The following CNOT10 variants were observed in gnomAD, a reference collection of about 807,000 sequenced individuals.
The protein encoded by CNOT10 is CCR4-NOT transcription complex subunit 10.
In CNOT10, 30 loss-of-function variants were observed where a neutral mutation model predicts 94.6. That is an observed-to-expected ratio of 0.32 (90% CI 0.24 to 0.43). CNOT10 has a LOEUF of 0.43. Ranked by LOEUF, CNOT10 falls within the 20% of genes least tolerant of loss-of-function variation. The pLI, the probability that CNOT10 is intolerant of heterozygous loss-of-function variation, is 1.00. For missense variants in CNOT10, 759 were observed against 877.2 expected (o/e 0.87, Z 1.70); for synonymous variants, 289 against 301.6 (o/e 0.96, Z 0.43).
intron 8 of CNOT10, among the ~76,000 whole-genome samples, chr3:32,721,156 C>T (rs964835027): frequency 4.0e-5 from 6 of 149,310 alleles, no homozygotes; most frequent in East Asian, 3.9e-4. Context: ...ACCTCCCTCC[C>T]GGGTTCAAGC....
Position 32,771,470 on chromosome 3 carries a change from G to A in CNOT10, c.2080+1508G>A, listed in dbSNP as rs573124609. Among the ~76,000 whole-genome samples, 57 of 152,120 alleles carry A rather than the reference G, an allele frequency of 3.7e-4. 1 individual carries two copies. In the South Asian group the frequency reaches 0.011, roughly 29 times the overall value. On this transcript the variant is annotated intron_variant, in intron 18 of 18. Transcript: ENST00000328834. ...ACAAAAATTAGCCAGGCGTGGTGGC[G>A]CATGCCTGTAATCCAGGTACTTAGG...
intron 18 of CNOT10, among the ~76,000 whole-genome samples, chr3:32,770,704 T>G (rs550544562): frequency 2.3e-3 from 339 of 150,566 alleles, no homozygotes; most frequent in African/African-American, 7.7e-3. Context: ...CCCATCAAAT[T>G]CTTTTTTTTT....
At chr3:32,727,227 T>A (rs996806929) in intron 9 of CNOT10, among the ~76,000 whole-genome samples, 2 of 151,884 alleles carry the variant, frequency 1.3e-5, no homozygotes, top group Non-Finnish European at 1.5e-5. Context: ...ATCCCAACAT[T>A]TAGGGGAGGC....
At chr3:32,735,125 TGA>T in intron 12 of CNOT10, 149 bp downstream of exon 12, 1 of 679,392 alleles carries the variant, frequency 1.5e-6, no homozygotes, top group Non-Finnish European at 2.4e-6. Context: ...TTTATGTTTC[TGA>T]GTCTTTCTGG....
At position 32,753,303 on chromosome 3, in the gene CNOT10, T is replaced by C. The variant is rs2125616578; in HGVS notation, c.1596-6155T>C. On this transcript the variant is annotated intron_variant, in intron 13 of 18. Coordinates refer to ENST00000328834, the MANE Select transcript of CNOT10 (RefSeq NM_015442.3). ...GCTCAGAATGGCCCAGAATCTGATG[T>C]GTGGACTCATCAGTCAAAAATCAGG... The C allele has an allele frequency of 7.8e-5, 72 of 924,734 alleles. 1 individual carries two copies. In the South Asian group the frequency reaches 9.0e-4, roughly 12 times the overall value. 57.3% of individuals were successfully genotyped at this position (924,734 alleles called of 1,614,324 possible). A position where few individuals can be genotyped will look rare whatever the true frequency, so the allele number is the denominator to read the frequency against.
At chr3:32,733,354 A>G in intron 10 of CNOT10, 69 bp from the exon 11 acceptor site, 25 of 1,029,940 alleles carry the variant, frequency 2.4e-5, no homozygotes, top group Non-Finnish European at 3.5e-5. Context: ...TGTGAGAGAT[A>G]TTCCCTCATT....
intron 1 of CNOT10, among the ~76,000 whole-genome samples, chr3:32,699,957 G>A (rs1697256775): frequency 6.6e-6 from 1 of 151,254 alleles, no homozygotes; most frequent in Non-Finnish European, 1.5e-5. Flanking sequence ...GCTGCTTTAG[G>A]AACAAACATA....
chr3:32,729,760 CTTTTTTTTTTTTTTTT>C (rs10590243), intron 10 of CNOT10, among the ~76,000 whole-genome samples: 1 of 71,762 alleles, frequency 1.4e-5, no homozygotes, highest in African/African-American at 5.5e-5. Flanking sequence ...ATTTATACTT[CTTTTTTTTTTTTTTTT>C]TTTTTTTTTT....
At chr3:32,747,683 C>G (rs1699760126) in intron 13 of CNOT10, among the ~76,000 whole-genome samples, 1 of 152,056 alleles carries the variant, frequency 6.6e-6, no homozygotes, top group Non-Finnish European at 1.5e-5. Flanking sequence ...GGCTCGGTGG[C>G]TCACGCCTGT....
chr3:32,701,829 G>A (rs1253556987), intron 1 of CNOT10, among the ~76,000 whole-genome samples: 1 of 152,140 alleles, frequency 6.6e-6, no homozygotes, highest in Non-Finnish European at 1.5e-5. Flanking sequence ...GTCTCACTCT[G>A]TTGCTCAGGC....
intron 13 of CNOT10, among the ~76,000 whole-genome samples, chr3:32,740,402 G>T (rs1415054554): frequency 6.6e-6 from 1 of 152,064 alleles, no homozygotes; most frequent in African/African-American, 2.4e-5. Context: ...GAGGGAGGTT[G>T]CAGTGAGCCA....
At chr3:32,707,703 T>C (rs571161157) in intron 3 of CNOT10, among the ~76,000 whole-genome samples, 124 of 152,022 alleles carry the variant, frequency 8.2e-4, no homozygotes, top group African/African-American at 2.8e-3. Context: ...CTCAGGAGGC[T>C]AAGGCAGGAG....
intron 13 of CNOT10, among the ~76,000 whole-genome samples, chr3:32,752,030 T>G (rs1376245904): frequency 6.6e-6 from 1 of 152,220 alleles, no homozygotes; most frequent in African/African-American, 2.4e-5. Context: ...AATGGCTCAC[T>G]GTAATCCCAG....
At chr3:32,754,037 T>C in intron 13 of CNOT10, 1 of 468,482 alleles carries the variant, frequency 2.1e-6, no homozygotes, top group Non-Finnish European at 3.7e-6. Flanking sequence ...GAGGCGGAGG[T>C]TGCAGTGAGC....
rs33937831 is a variant in CNOT10 at position 32,725,927 on chromosome 3, A to AGTTTTGTTTTGTTTT, written c.1012+350_1012+364dup. On this transcript the variant is annotated intron_variant, in intron 9 of 18. Coordinates refer to ENST00000328834, the MANE Select transcript of CNOT10 (RefSeq NM_015442.3). ...GACTGTGCCAAACTAGGTTTATTAT[A>AGTTTTGTTTTGTTTT]GTTTTGTTTTGTTTTGTTTTGTTTT... Among the ~76,000 whole-genome samples the AGTTTTGTTTTGTTTT allele has an allele frequency of 7.8e-3, 1,167 of 149,808 alleles. 8 individuals are homozygous for AGTTTTGTTTTGTTTT. The highest frequency in any genetic ancestry group is 0.018 in the East Asian group (93 of 5,062).
At chr3:32,716,665 T>G (rs1698136559) in intron 6 of CNOT10, among the ~76,000 whole-genome samples, 2 of 152,200 alleles carry the variant, frequency 1.3e-5, no homozygotes, top group South Asian at 4.1e-4. Flanking sequence ...GTTTGTTTTT[T>G]GAGACGGAGC....
intron 1 of CNOT10, among the ~76,000 whole-genome samples, chr3:32,700,137 G>A (rs1006260771): frequency 7.2e-5 from 11 of 151,792 alleles, no homozygotes; most frequent in East Asian, 3.9e-4. Context: ...CACCATGCCC[G>A]GCTAATTTTT....
intron 13 of CNOT10, among the ~76,000 whole-genome samples, chr3:32,751,101 GA>G (rs112401358): frequency 0.039 from 5,949 of 151,212 alleles, 184 homozygotes; most frequent in African/African-American, 0.079. Context: ...AAATTTCAAT[GA>G]AAAAAAAATT....
At chr3:32,740,955 C>G (rs532538450) in intron 13 of CNOT10, among the ~76,000 whole-genome samples, 23 of 152,058 alleles carry the variant, frequency 1.5e-4, no homozygotes, top group African/African-American at 5.1e-4. Flanking sequence ...ATCCTCCCAC[C>G]TTGGCCTCCC....
Sources: gnomAD v4.1 joint callset for allele counts (sites outside exome capture counted in the v4.1 genomes callset) on GRCh38, gnomAD v4.1.1 for gene constraint, MANE v1.5 for transcripts, NCBI Gene and HGNC (gene_info 2026-07-23, HGNC 2026-07-21) for gene names.